Variants in FANCD2 observed in about 807,000 individuals in gnomAD.
The protein encoded by FANCD2 is Fanconi anemia group D2 protein.
FANCD2 carries 131 observed loss-of-function variants against 192.3 expected under a neutral mutation model. The observed-to-expected ratio is 0.68, with a 90% CI of 0.59 to 0.79. FANCD2 has a LOEUF of 0.79. Ranked by LOEUF, FANCD2 falls within the 30% of genes least tolerant of loss-of-function variation. The probability of loss-of-function intolerance (pLI) is 0.00; values close to 1 mark genes in which losing one functional copy is unlikely to be tolerated. For synonymous variants in FANCD2, 524 were observed against 612.5 expected (o/e 0.86, Z 2.13); for missense variants, 1,508 against 1,701.6 (o/e 0.89, Z 2.00).
rs1262100205 is a variant in FANCD2, at chr3:10,067,335, T to G, written c.2494+18T>G. Reference sequence around the variant, plus strand: ...CTTGGCAGGTAAGAGAAGTGTCCTATACTGGTAGTACTACTAGGCCAGTAG... The same window carrying G: ...CTTGGCAGGTAAGAGAAGTGTCCTAGACTGGTAGTACTACTAGGCCAGTAG... On this transcript the variant is annotated intron_variant, in intron 26 of 43. Transcript: ENST00000675286. 2.1e-6 allele frequency: 3 copies of G among 1,416,858 alleles called. No homozygotes were observed. Among genetic ancestry groups the G allele is most frequent in the Non-Finnish European group, 2.0e-6 (2 of 1,002,352 alleles). The allele number at this position is 1,416,858 out of a possible 1,614,324, so 87.8% of individuals were successfully genotyped here.
chr3:10,047,559 A>G (rs572280975), intron 15 of FANCD2, among the ~76,000 whole-genome samples: 1 of 152,412 alleles, frequency 6.6e-6, no homozygotes, highest in Admixed American at 6.5e-5. Flanking sequence ...ACCTACTTCA[A>G]ATTATAACCA....
intron 15 of FANCD2, 31 bp from the exon 16 acceptor site, chr3:10,047,886 T>G: frequency 6.2e-7 from 1 of 1,611,752 alleles, no homozygotes; most frequent in Non-Finnish European, 8.5e-7. Context: ...TCCTACAGCT[T>G]CTTTTCTCTC....
chr3:10,076,742 T>G (rs192523376), intron 29 of FANCD2, among the ~76,000 whole-genome samples: 3 of 152,276 alleles, frequency 2.0e-5, no homozygotes, highest in Non-Finnish European at 4.4e-5. Context: ...GTTTGTTTGT[T>G]GGAGACGGAG....
At chr3:10,086,823 C>T (rs1694235291) in intron 33 of FANCD2, among the ~76,000 whole-genome samples, 1 of 152,142 alleles carries the variant, frequency 6.6e-6, no homozygotes, top group Non-Finnish European at 1.5e-5. Context: ...TTGCCTAAGG[C>T]TTTAAAGAGC....
intron 26 of FANCD2, among the ~76,000 whole-genome samples, chr3:10,071,181 C>T (rs1575806205): frequency 6.8e-6 from 1 of 146,024 alleles, no homozygotes; most frequent in Non-Finnish European, 1.5e-5. Flanking sequence ...ATCCAAAGGA[C>T]AGGCAATAAC....
At chr3:10,065,557 A>G (rs1004485080) in intron 24 of FANCD2, 63 bp downstream of exon 24, 7 of 1,104,670 alleles carry the variant, frequency 6.3e-6, no homozygotes, top group African/African-American at 3.1e-5. Context: ...ACTTAGGGAA[A>G]GGGCAGATCA....
chr3:10,065,381 T>C lies in FANCD2; in HGVS notation c.2169-13T>C. ...TATGAAGTGTGGTCTAGAAATTTAT[T>C]TCTCCTTCTCAGATTGGTGTCTCCG... On this transcript the variant is annotated splice_polypyrimidine_tract_variant and intron_variant, in intron 23 of 43. Coordinates refer to ENST00000675286, the MANE Select transcript of FANCD2 (RefSeq NM_001018115.3). The C allele has an allele frequency of 6.3e-7, 1 of 1,585,014 alleles. No individual in the cohort carries two copies. Among genetic ancestry groups the C allele is most frequent in the Non-Finnish European group, 8.7e-7 (1 of 1,153,404 alleles).
At chr3:10,046,075 A>G (rs2086998776) in intron 14 of FANCD2, among the ~76,000 whole-genome samples, 1 of 92,360 alleles carries the variant, frequency 1.1e-5, no homozygotes, top group Non-Finnish European at 2.1e-5. Flanking sequence ...TTTTTTGAGA[A>G]TGGAATCTCG....
intron 14 of FANCD2, among the ~76,000 whole-genome samples, chr3:10,044,144 G>A (rs1186819646): frequency 6.6e-6 from 1 of 152,188 alleles, no homozygotes; most frequent in Non-Finnish European, 1.5e-5. Context: ...AGTCAAAGAA[G>A]CCAGGTCCCC....
chr3:10,064,861 G>A lies in FANCD2; in HGVS notation c.2154G>A (p.Gln718=), dbSNP rs2125035487. ...AAGATGGGGGTCCGGTGACCTCACA[G>A]GAATCAGGCCAAAAGTCAGTATAGT... is the stretch of plus-strand genomic sequence containing the variant. ...FAKDGGPVTS[Q]ESGQKLVSPL... Residue 718 remains glutamine (Q), a synonymous_variant, in exon 23 of 44, where the codon CAG becomes CAA. Coordinates refer to ENST00000675286, the MANE Select transcript of FANCD2 (RefSeq NM_001018115.3). The A allele has an allele frequency of 6.2e-7, 1 of 1,613,820 alleles. No individual in the cohort carries two copies. The highest frequency in any genetic ancestry group is 8.5e-7 in the Non-Finnish European group (1 of 1,179,728).
chr3:10,062,959 C>T (rs1388880745), intron 20 of FANCD2, among the ~76,000 whole-genome samples: 1 of 152,132 alleles, frequency 6.6e-6, no homozygotes, highest in African/African-American at 2.4e-5. Context: ...CATCAGCCTC[C>T]CAAAGCACTG....
In FANCD2 at chr3:10,065,575, G is replaced by T. The variant is rs554536441; in HGVS notation, c.2269+81G>T. On this transcript the variant is annotated intron_variant, in intron 24 of 43. Transcript: ENST00000675286. The stretch of plus-strand genomic sequence containing the variant: ...TAGGGAAAGGGCAGATCAATACATG[G>T]TGTATGTGGGGAGGAATTTTCTAAC... 67 of 943,700 alleles carry T rather than the reference G, an allele frequency of 7.1e-5. 1 individual carries two copies. The South Asian group carries it at 8.6e-4, about 12-fold the overall frequency. The allele number at this position is 943,700 out of a possible 1,614,324, so 58.5% of individuals were successfully genotyped here.
rs750892839 is a variant in FANCD2, at chr3:10,088,803, G to T, written c.3561-25G>T. 5 of 1,613,086 alleles carry T rather than the reference G, an allele frequency of 3.1e-6. No individual in the cohort carries two copies. The African/African-American group carries it at 5.3e-5, about 17-fold the overall frequency. On this transcript the variant is annotated intron_variant, in intron 35 of 43. Transcript: ENST00000675286. The stretch of plus-strand genomic sequence containing the variant: ...TGTATTCTACTTTGTTAATTAGTGG[G>T]TCAAATATTTGACTCTCAATGCAGT...
chr3:10,092,081 C>G (rs1694645585), intron 37 of FANCD2, 100 bp from the exon 38 acceptor site: 1 of 896,440 alleles, frequency 1.1e-6, no homozygotes, highest in South Asian at 1.3e-5. Context: ...GCTTAAATAT[C>G]TGTATAGCTA....
At chr3:10,039,929 T>G in intron 9 of FANCD2, 84 bp downstream of exon 9, 5 of 1,523,090 alleles carry the variant, frequency 3.3e-6, no homozygotes, top group Non-Finnish European at 4.5e-6. Context: ...AGTAGTAATA[T>G]GGTCTCTTCT....
intron 43 of FANCD2, chr3:10,099,440 T>G (rs1695172572): frequency 3.5e-6 from 2 of 578,420 alleles, no homozygotes; most frequent in Non-Finnish European, 4.6e-6. Flanking sequence ...CTGCACAACA[T>G]AACAAGACCC....
intron 18 of FANCD2, among the ~76,000 whole-genome samples, chr3:10,057,711 A>G (rs978815989): frequency 6.6e-6 from 1 of 152,216 alleles, no homozygotes; most frequent in African/African-American, 2.4e-5. Context: ...AAAGTTGAAC[A>G]TTACTAACAA....
intron 2 of FANCD2, among the ~76,000 whole-genome samples, chr3:10,030,339 C>T (rs2086562177): frequency 6.6e-6 from 1 of 151,928 alleles, no homozygotes; most frequent in African/African-American, 2.4e-5. Context: ...TCCGGTAATC[C>T]ACCCACCTCA....
intron 1 of FANCD2, among the ~76,000 whole-genome samples, chr3:10,027,904 CAAAAA>C (rs145483323): frequency 6.0e-5 from 4 of 66,506 alleles, no homozygotes; most frequent in Admixed American, 1.8e-4. Context: ...GACTCCGTCT[CAAAAA>C]AAAAAAAAAA....
Sources: allele counts gnomAD v4.1 joint callset (sites outside exome capture counted in the v4.1 genomes callset), GRCh38; gene constraint gnomAD v4.1.1; transcripts MANE v1.5; gene names NCBI Gene and HGNC (gene_info 2026-07-23, HGNC 2026-07-21).